Variants in PDE12 observed in about 807,000 individuals in gnomAD.
The protein encoded by PDE12 is phosphodiesterase 12, also known as 2',5'-phosphodiesterase 12.
A neutral mutation model predicts 45.4 loss-of-function variants in PDE12; 26 were observed. The observed-to-expected ratio is 0.57, with a 90% CI of 0.42 to 0.79. The LOEUF is 0.79. Ranked by LOEUF, PDE12 falls within the 30% of genes least tolerant of loss-of-function variation. The pLI is 0.00. For missense variants in PDE12, 668 were observed against 790.0 expected, an observed-to-expected ratio of 0.85 and a Z score of 1.85; for synonymous variants, 283 against 323.9, an observed-to-expected ratio of 0.87 and a Z score of 1.36.
chr3:57,630,697 CAG>C, the PDE12 span: 2 of 1,606,100 alleles, frequency 1.2e-6, no homozygotes, highest in Admixed American at 1.7e-5. Context: ...GGGTGTAAAA[CAG>C]GGAAAAAAGA....
the PDE12 span, among the ~76,000 whole-genome samples, chr3:57,639,532 A>T: frequency 6.6e-6 from 1 of 152,214 alleles, no homozygotes; most frequent in Non-Finnish European, 1.5e-5. Context: ...GTCAAGATTA[A>T]ATTAAGATTT....
the PDE12 span, among the ~76,000 whole-genome samples, chr3:57,621,684 T>C: frequency 2.6e-5 from 4 of 151,120 alleles, no homozygotes; most frequent in African/African-American, 4.9e-5. Context: ...ATAAAAATAA[T>C]AGAAGAAAAC....
chr3:57,600,995 C>G, the PDE12 span: 1 of 152,138 alleles, frequency 6.6e-6, no homozygotes, highest in Admixed American at 6.5e-5. Flanking sequence ...TTATTGATCA[C>G]TTGCTAAGCC....
chr3:57,614,612 C>CGGCTCACTGCA, the PDE12 span, among the ~76,000 whole-genome samples: 2 of 142,954 alleles, frequency 1.4e-5, no homozygotes, highest in Non-Finnish European at 3.0e-5. Flanking sequence ...GGCGCGATCT[C>CGGCTCACTGCA]GGCTCACTGC....
the PDE12 span, among the ~76,000 whole-genome samples, chr3:57,576,242 A>G: frequency 6.6e-6 from 1 of 152,182 alleles, no homozygotes; most frequent in Admixed American, 6.5e-5. Context: ...AAAAGAACAC[A>G]TTGTATGTTT....
chr3:57,570,219 GTTTTTTT>G (rs34599005), downstream of PDE12, among the ~76,000 whole-genome samples: 25 of 102,332 alleles, frequency 2.4e-4, no homozygotes, highest in African/African-American at 8.5e-4. Flanking sequence ...TTAATCCAGT[GTTTTTTT>G]TTTTTTTTTT....
chr3:57,572,155 G>T, the PDE12 span: 1 of 1,386,552 alleles, frequency 7.2e-7, no homozygotes, highest in Non-Finnish European at 1.0e-6. Context: ...TAATTTTGTT[G>T]TAACAAGCCT....
chr3:57,577,247 C>G, the PDE12 span: 1 of 1,310,806 alleles, frequency 7.6e-7, no homozygotes, highest in South Asian at 1.2e-5. Flanking sequence ...TCAAAATGTA[C>G]TAAACCACCA....
rs1483030180 is a variant in PDE12 at position 57,556,699 on chromosome 3, C to G, written c.320C>G (p.Ala107Gly). The G allele has an allele frequency of 6.3e-7, 1 of 1,595,852 alleles. No homozygotes were observed. Among genetic ancestry groups the G allele is most frequent in the African/African-American group, 1.3e-5 (1 of 74,786 alleles). The change falls in exon 1 of 3, where the codon GCC becomes GGC. Residue 107 changes from alanine (A) to glycine (G), a missense_variant. By Grantham distance (60) the Ala-to-Gly change is moderately conservative. This residue lies in a region of PDE12 where 580 missense variants were observed against 662.9 expected (regional missense o/e 0.87). Transcript: ENST00000311180. The surrounding 1 kb of genome is among the most constrained non-coding windows in gnomAD (Gnocchi z 5.0). ...KSRPNASGGA[A>G]CSGPGPEPAV... ...CGGCCGAATGCTAGCGGCGGTGCGG[C>G]CTGTTCAGGGCCGGGGCCTGAGCCG... is the stretch of plus-strand genomic sequence containing the variant.
At chr3:57,591,188 C>T in the PDE12 span, among the ~76,000 whole-genome samples, 2 of 152,216 alleles carry the variant, frequency 1.3e-5, no homozygotes, top group Non-Finnish European at 2.9e-5. Context: ...AAGACGGTTA[C>T]CATGACACAA....
the PDE12 span, among the ~76,000 whole-genome samples, chr3:57,652,628 C>T: frequency 0.01 from 1,540 of 152,230 alleles, 30 homozygotes; most frequent in African/African-American, 0.035. Context: ...CCCAAAAATA[C>T]CTAATTACAA....
chr3:57,650,441 C>CACAT, the PDE12 span, among the ~76,000 whole-genome samples: 6 of 150,744 alleles, frequency 4.0e-5, no homozygotes, highest in Non-Finnish European at 7.4e-5. Flanking sequence ...CACACACACA[C>CACAT]ACACATACAT....
chr3:57,574,749 A>G, the PDE12 span, among the ~76,000 whole-genome samples: 1 of 152,116 alleles, frequency 6.6e-6, no homozygotes, highest in African/African-American at 2.4e-5. Context: ...AAGGCTGGGC[A>G]CCATGGCTGG....
rs1324222983 is a variant in PDE12 at position 57,557,545 on chromosome 3, C to G, written c.1166C>G (p.Ser389Cys). ...GGCCTGGCCACTTTCTACCGAAAGT[C>G]TAAGTTCAGCCTTCTTAGCCAGCAT... Reference protein sequence around the residue: ...HEGLATFYRKSKFSLLSQHDI... With the variant: ...HEGLATFYRKCKFSLLSQHDI... The change falls in exon 1 of 3, where the codon TCT becomes TGT. Residue 389 changes from serine (S) to cysteine (C), a missense_variant. Physicochemically the swap from Ser to Cys is moderately radical, Grantham distance 112. Around this residue, in one of 3 missense-constraint regions of PDE12, gnomAD observed 580 missense variants for 662.9 expected, o/e 0.87. Transcript: ENST00000311180. The G allele has an allele frequency of 6.2e-7, 1 of 1,613,990 alleles. No homozygotes were observed. Among genetic ancestry groups the G allele is most frequent in the African/African-American group, 1.3e-5 (1 of 74,904 alleles).
the PDE12 span, among the ~76,000 whole-genome samples, chr3:57,613,853 G>A: frequency 2.1e-5 from 3 of 139,630 alleles, no homozygotes; most frequent in African/African-American, 8.4e-5. Flanking sequence ...GTGAGCCGAG[G>A]TCACACCACT....
chr3:57,646,456 G>C, the PDE12 span: 1 of 1,589,064 alleles, frequency 6.3e-7, no homozygotes, highest in Non-Finnish European at 8.5e-7. Context: ...GTGATGCACA[G>C]TAGAAATACT....
the PDE12 span, among the ~76,000 whole-genome samples, chr3:57,643,861 C>G: frequency 2.0e-5 from 3 of 150,946 alleles, no homozygotes; most frequent in African/African-American, 7.3e-5. Context: ...AAATAATTAT[C>G]AGTCTGGGCC....
chr3:57,598,720 G>C, the PDE12 span, among the ~76,000 whole-genome samples: 1 of 152,202 alleles, frequency 6.6e-6, no homozygotes, highest in East Asian at 1.9e-4. Context: ...GGCGGAGGTT[G>C]CAGTGAGCGG....
At chr3:57,625,629 C>T in the PDE12 span, 4 of 152,014 alleles carry the variant, frequency 2.6e-5, no homozygotes, top group Admixed American at 1.3e-4. Flanking sequence ...TACATAGTAA[C>T]AAATTCTTCT....
Sources: gnomAD v4.1 joint callset for allele counts (sites outside exome capture counted in the v4.1 genomes callset) on GRCh38, gnomAD v4.1.1 for gene constraint, gnomAD v4.1.1 regional missense constraint, Gnocchi (gnomAD v3.1) non-coding constraint, MANE v1.5 for transcripts, NCBI Gene and HGNC (gene_info 2026-07-23, HGNC 2026-07-21) for gene names.